RBFOX1: variants seen among roughly 807,000 people sequenced by gnomAD.
The protein encoded by RBFOX1 is RNA binding fox-1 homolog 1.
Under a neutral mutation model 57.7 loss-of-function variants are expected in RBFOX1, and 8 were observed. The ratio of observed to expected loss-of-function variants is 0.14; its 90% CI spans 0.08 to 0.25. The LOEUF is 0.25. Among genes scored for constraint, RBFOX1 ranks in the 10% least tolerant of loss-of-function variants. The pLI is 1.00. For synonymous variants in RBFOX1, 326 were observed against 222.4 expected, an observed-to-expected ratio of 1.47 and a Z score of -4.15; for missense variants, 611 against 548.5, an observed-to-expected ratio of 1.11 and a Z score of -1.14.
intron 2 of RBFOX1, among the ~76,000 whole-genome samples, chr16:6,609,775 C>T (rs953649593): frequency 4.0e-5 from 6 of 151,856 alleles, no homozygotes; most frequent in Admixed American, 6.6e-5. Flanking sequence ...TTTGGGAGGC[C>T]GAGGCAGGCA....
chr16:6,510,878 G>C lies in RBFOX1; in HGVS notation c.-63-143725G>C, dbSNP rs902704356. On this transcript the variant is annotated intron_variant, in intron 2 of 15. Coordinates refer to ENST00000550418, the MANE Select transcript of RBFOX1 (RefSeq NM_018723.4). ...TTAAAAAAAAAAAAAGGAAAAAAAG[G>C]TATGCCCTCTTTAATACTTACTAGT... Among the ~76,000 whole-genome samples, 6 of 145,714 alleles carry C rather than the reference G, an allele frequency of 4.1e-5. No individual in the cohort carries two copies. The South Asian group carries it at 6.2e-4, about 15-fold the overall frequency.
chr16:7,660,129 T>A (rs2067333582), intron 12 of RBFOX1, among the ~76,000 whole-genome samples: 1 of 152,180 alleles, frequency 6.6e-6, no homozygotes, highest in Non-Finnish European at 1.5e-5. Flanking sequence ...GATTGTATAG[T>A]TTGGGCATTT....
chr16:6,948,691 T>G (rs1314452234), intron 3 of RBFOX1, among the ~76,000 whole-genome samples: 2 of 152,138 alleles, frequency 1.3e-5, no homozygotes, highest in Middle Eastern at 3.2e-3. Flanking sequence ...GTTGTGTCAG[T>G]CTTATCAGAA....
intron 3 of RBFOX1, among the ~76,000 whole-genome samples, chr16:5,842,695 C>G (rs1290572859): frequency 6.6e-6 from 1 of 152,184 alleles, no homozygotes; most frequent in Non-Finnish European, 1.5e-5. Context: ...AAATGTACCT[C>G]TAAGCAAGTA....
At chr16:5,643,305 T>G (rs933400828) in intron 3 of RBFOX1, among the ~76,000 whole-genome samples, 3 of 152,172 alleles carry the variant, frequency 2.0e-5, no homozygotes, top group Non-Finnish European at 4.4e-5. Context: ...GATTATCGTT[T>G]TTTTAGGGTG....
Position 7,173,567 on chromosome 16 carries a change from A to G in RBFOX1, c.27+121469A>G, listed in dbSNP as rs561061124. Reference sequence around the variant, plus strand: ...TTGTATTTCAGCATTTGTCATCTCAATTACAGTAGTGCATACTACTTTTAC... The same window carrying G: ...TTGTATTTCAGCATTTGTCATCTCAGTTACAGTAGTGCATACTACTTTTAC... On this transcript the variant is annotated intron_variant, in intron 4 of 15. Coordinates refer to ENST00000550418, the MANE Select transcript of RBFOX1 (RefSeq NM_018723.4). Among the ~76,000 whole-genome samples, 3 of 152,244 alleles carry G rather than the reference A, an allele frequency of 2.0e-5. No homozygotes were observed. The South Asian group carries it at 6.2e-4, about 32-fold the overall frequency.
At chr16:6,231,799 A>T (rs184617969) in intron 1 of RBFOX1, among the ~76,000 whole-genome samples, 10 of 139,586 alleles carry the variant, frequency 7.2e-5, no homozygotes, top group Admixed American at 3.5e-4. Flanking sequence ...TATGGCTTTT[A>T]TGACTAATTG....
At chr16:6,338,977 C>G (rs2084145839) in intron 2 of RBFOX1, among the ~76,000 whole-genome samples, 1 of 152,114 alleles carries the variant, frequency 6.6e-6, no homozygotes. Flanking sequence ...GGCATGATTA[C>G]AGATTTGGGT....
At chr16:6,771,646 G>C (rs2078316827) in intron 3 of RBFOX1, among the ~76,000 whole-genome samples, 2 of 152,178 alleles carry the variant, frequency 1.3e-5, no homozygotes, top group African/African-American at 4.8e-5. Flanking sequence ...CTCCTCAGGA[G>C]ACATTTGGCA....
At chr16:6,843,425 A>G (rs1179103077) in intron 3 of RBFOX1, among the ~76,000 whole-genome samples, 1 of 148,188 alleles carries the variant, frequency 6.7e-6, no homozygotes, top group South Asian at 2.1e-4. Flanking sequence ...ATGGTGGCTT[A>G]CACCTGTAAT....
intron 14 of RBFOX1, among the ~76,000 whole-genome samples, chr16:7,706,692 C>G (rs1405418448): frequency 6.6e-6 from 1 of 152,184 alleles, no homozygotes; most frequent in Admixed American, 6.5e-5. Flanking sequence ...ACTTCATATC[C>G]TATTTATGAA....
chr16:6,848,179 C>T lies in RBFOX1; in HGVS notation c.-16+193529C>T, dbSNP rs140553494. Among the ~76,000 whole-genome samples, 684 of 151,974 alleles carry T rather than the reference C, an allele frequency of 4.5e-3. 7 individuals carry two copies. Among genetic ancestry groups the T allele is most frequent in the Middle Eastern group, 0.017 (5 of 292 alleles). On this transcript the variant is annotated intron_variant, in intron 3 of 15. Coordinates refer to ENST00000550418, the MANE Select transcript of RBFOX1 (RefSeq NM_018723.4). ...TACCCCACAAGGAGGCTGATCACAG[C>T]CTCCTTGTGGGGTGATACAGCAAGT...
chr16:5,517,655 T>G (rs1289285773), intron 2 of RBFOX1, among the ~76,000 whole-genome samples: 2 of 152,196 alleles, frequency 1.3e-5, no homozygotes, highest in Non-Finnish European at 2.9e-5. Context: ...TCAAATAGAT[T>G]GGGCTTTCTA....
At chr16:7,256,882 A>T (rs1383634591) in intron 4 of RBFOX1, among the ~76,000 whole-genome samples, 1 of 152,062 alleles carries the variant, frequency 6.6e-6, no homozygotes, top group East Asian at 1.9e-4. Context: ...GGGCATCTGA[A>T]AGTCCATCAC....
In RBFOX1 at chr16:7,595,536, C is replaced by T. The variant is rs1378738998; in HGVS notation, c.469-13C>T. 1.9e-6 allele frequency: 3 copies of T among 1,544,540 alleles called. No individual in the cohort carries two copies. Among genetic ancestry groups the T allele is most frequent in the African/African-American group, 1.4e-5 (1 of 73,242 alleles). On this transcript the variant is annotated splice_polypyrimidine_tract_variant and intron_variant, in intron 7 of 15. Transcript: ENST00000550418. ...ATCTGCATGTTGTTTTCCCTTCTCC[C>T]TCCTGCATGCAGGGATTTGGTTTCG...
chr16:6,986,925 G>T (rs1032295898), intron 3 of RBFOX1, among the ~76,000 whole-genome samples: 1 of 152,070 alleles, frequency 6.6e-6, no homozygotes, highest in African/African-American at 2.4e-5. Context: ...TCCACCCCTT[G>T]CTCACCTGCC....
intron 5 of RBFOX1, among the ~76,000 whole-genome samples, chr16:7,563,254 C>T (rs929581667): frequency 6.6e-5 from 10 of 152,144 alleles, no homozygotes; most frequent in African/African-American, 1.9e-4. Flanking sequence ...TAATCATGGT[C>T]CATCCTAAGC....
chr16:6,502,798 A>G (rs539393152), intron 2 of RBFOX1, among the ~76,000 whole-genome samples: 4 of 152,242 alleles, frequency 2.6e-5, no homozygotes, highest in Non-Finnish European at 5.9e-5. Flanking sequence ...TGGATGTAAG[A>G]TACTTCTTTC....
chr16:6,812,263 A>C (rs974192707), intron 3 of RBFOX1, among the ~76,000 whole-genome samples: 1 of 152,202 alleles, frequency 6.6e-6, no homozygotes, highest in African/African-American at 2.4e-5. Context: ...ATTTGTTCAA[A>C]ATGAAAGTAT....
Sources: gnomAD v4.1 joint callset for allele counts (sites outside exome capture counted in the v4.1 genomes callset) on GRCh38, gnomAD v4.1.1 for gene constraint, MANE v1.5 for transcripts, NCBI Gene and HGNC (gene_info 2026-07-23, HGNC 2026-07-21) for gene names.